The following RPF1 variants were observed in gnomAD, a reference collection of about 807,000 sequenced individuals.
RPF1 encodes the protein ribosome production factor 1.
Under a neutral mutation model 41.9 loss-of-function variants are expected in RPF1, and 34 were observed. That is an observed-to-expected ratio of 0.81 (90% CI 0.62 to 1.08). RPF1 has a LOEUF of 1.08. Among genes scored for constraint, RPF1 ranks in the 50% least tolerant of loss-of-function variants. The pLI, the probability that RPF1 is intolerant of heterozygous loss-of-function variation, is 0.00. For synonymous variants in RPF1, 140 were observed against 148.9 expected, an observed-to-expected ratio of 0.94 and a Z score of 0.43; for missense variants, 425 against 435.2, an observed-to-expected ratio of 0.98 and a Z score of 0.21.
rs1296408401 is a variant in RPF1, at chr1:84,486,606, AAAAG to A, written c.367-3024_367-3021del. Among the ~76,000 whole-genome samples, 6 of 151,582 alleles carry A rather than the reference AAAAG, an allele frequency of 4.0e-5. No homozygotes were observed. The East Asian group carries it at 5.8e-4, about 15-fold the overall frequency. On this transcript the variant is annotated intron_variant, in intron 3 of 8. Coordinates refer to ENST00000370654, the MANE Select transcript of RPF1 (RefSeq NM_025065.7). ...CCGTCTCAAAAAAAAAAAAAAAAAA[AAAAG>A]AATAGGAAAATGATGTGATCAGACT... is the stretch of plus-strand genomic sequence containing the variant.
chr1:84,484,080 G>A (rs964137573), intron 3 of RPF1, among the ~76,000 whole-genome samples: 4 of 152,178 alleles, frequency 2.6e-5, no homozygotes, highest in African/African-American at 9.7e-5. Context: ...GCCAGTGATA[G>A]CTTACTAAAG....
chr1:84,490,624 A>C, intron 5 of RPF1, 152 bp downstream of exon 5: 1 of 559,774 alleles, frequency 1.8e-6, no homozygotes, highest in Non-Finnish European at 3.0e-6. Context: ...CTATAAACTG[A>C]TTTTTCCTTT....
intron 8 of RPF1, 36 bp from the exon 9 acceptor site, chr1:84,497,390 TTTG>T: frequency 6.4e-7 from 1 of 1,568,146 alleles, no homozygotes; most frequent in Non-Finnish European, 8.7e-7. Flanking sequence ...ATATTTTTGT[TTTG>T]TTTTCTTCCT....
At chr1:84,484,136 T>A (rs1681699721) in intron 3 of RPF1, among the ~76,000 whole-genome samples, 1 of 152,216 alleles carries the variant, frequency 6.6e-6, no homozygotes, top group Admixed American at 6.5e-5. Context: ...GTAGAGAGGG[T>A]TTGCAATTTT....
At chr1:84,488,045 G>A (rs1285893057) in intron 3 of RPF1, among the ~76,000 whole-genome samples, 1 of 151,956 alleles carries the variant, frequency 6.6e-6, no homozygotes, top group Non-Finnish European at 1.5e-5. Context: ...GTTTGTCACT[G>A]CATCATTAGT....
Position 84,483,099 on chromosome 1 carries a change from G to A in RPF1, c.366+104G>A, listed in dbSNP as rs1681680966. 1.1e-5 allele frequency: 7 copies of A among 653,482 alleles called. 1 individual carries two copies. In the South Asian group the frequency reaches 1.5e-4, roughly 14 times the overall value. 40.5% of individuals were successfully genotyped at this position (653,482 alleles called of 1,614,324 possible). On this transcript the variant is annotated intron_variant, in intron 3 of 8. Transcript: ENST00000370654. ...GTGCTGGCTGGCCAAGTTGCATAATGGACTGATTCAGCTAAAATGTTGGCA... is the reference window on the plus strand; with the variant it reads ...GTGCTGGCTGGCCAAGTTGCATAATAGACTGATTCAGCTAAAATGTTGGCA...
At chr1:84,479,870 G>C (rs1331385372) in intron 1 of RPF1, among the ~76,000 whole-genome samples, 1 of 152,204 alleles carries the variant, frequency 6.6e-6, no homozygotes, top group Non-Finnish European at 1.5e-5. Flanking sequence ...TTAATTTGCA[G>C]AATCTGAAAT....
intron 5 of RPF1, among the ~76,000 whole-genome samples, chr1:84,491,437 T>C (rs1332186345): frequency 1.3e-5 from 2 of 152,184 alleles, no homozygotes; most frequent in Non-Finnish European, 2.9e-5. Flanking sequence ...TTTTAAAAAA[T>C]CTAACTTTTA....
At chr1:84,487,908 G>T (rs993379059) in intron 3 of RPF1, among the ~76,000 whole-genome samples, 2 of 151,834 alleles carry the variant, frequency 1.3e-5, no homozygotes, top group Admixed American at 1.3e-4. Flanking sequence ...ATCCAGTACT[G>T]GTTATATATA....
chr1:84,482,590 T>C (rs1214367616), intron 2 of RPF1, among the ~76,000 whole-genome samples: 1 of 152,128 alleles, frequency 6.6e-6, no homozygotes, highest in African/African-American at 2.4e-5. Flanking sequence ...TTTCTTTTAT[T>C]TTTCTCCTGT....
At chr1:84,492,366 G>A (rs1053642674) in intron 5 of RPF1, among the ~76,000 whole-genome samples, 2 of 152,132 alleles carry the variant, frequency 1.3e-5, no homozygotes, top group Admixed American at 6.5e-5. Context: ...AAGTTAAAGG[G>A]ATATACTTTT....
intron 3 of RPF1, chr1:84,483,205 G>C (rs1445059339): frequency 3.8e-6 from 2 of 525,072 alleles, no homozygotes; most frequent in East Asian, 3.1e-5. Context: ...AAAAATTCTA[G>C]GTAAACTTTT....
chr1:84,492,677 C>T (rs1478025635), intron 5 of RPF1, among the ~76,000 whole-genome samples: 1 of 152,200 alleles, frequency 6.6e-6, no homozygotes, highest in African/African-American at 2.4e-5. Context: ...TTTATCTGTA[C>T]AGACCTACAT....
At chr1:84,482,734 TAA>T (rs397963036) in intron 2 of RPF1, among the ~76,000 whole-genome samples, 179 bp from the exon 3 acceptor site, 1 of 144,732 alleles carries the variant, frequency 6.9e-6, no homozygotes, top group Non-Finnish European at 1.5e-5. Flanking sequence ...CCAGATTGTT[TAA>T]AAAAAAAAAA....
In RPF1 at chr1:84,495,397, C is replaced by A. The variant is rs1442144653; in HGVS notation, c.641C>A (p.Pro214Gln). Residue 214 changes from proline (P) to glutamine (Q), a missense_variant, in exon 6 of 9, where the codon CCA (proline) becomes CAA (glutamine). By Grantham distance (76) the Pro-to-Gln change is moderately conservative. Transcript: ENST00000370654. ...TPNGLILSHL[P>Q]NGPTAHFKMS... ...GATGGACTTATTTTGAGTCACTTGC[C>A]AAATGGCCCAACTGCTCATTTTAAA... is the stretch of plus-strand genomic sequence containing the variant. 1 of 1,522,376 alleles carries A rather than the reference C, an allele frequency of 6.6e-7. No individual in the cohort carries two copies. Among genetic ancestry groups the A allele is most frequent in the Non-Finnish European group, 9.0e-7 (1 of 1,109,552 alleles). The allele number at this position is 1,522,376 out of a possible 1,614,324, so 94.3% of individuals were successfully genotyped here. A position where few individuals can be genotyped will look rare whatever the true frequency, so the allele number is the denominator to read the frequency against.
intron 1 of RPF1, 116 bp downstream of exon 1, chr1:84,479,625 G>C: frequency 3.1e-6 from 3 of 958,078 alleles, no homozygotes; most frequent in South Asian, 3.4e-5. Context: ...CTGTGGCTCC[G>C]TGGGAAGGGT....
intron 6 of RPF1, among the ~76,000 whole-genome samples, 155 bp from the exon 7 acceptor site, chr1:84,495,727 T>C (rs1681923652): frequency 6.6e-6 from 1 of 152,252 alleles, no homozygotes; most frequent in Non-Finnish European, 1.5e-5. Flanking sequence ...AGATACATCT[T>C]ATTTCATGGG....
intron 1 of RPF1, 130 bp downstream of exon 1, chr1:84,479,639 G>A: frequency 2.4e-6 from 2 of 842,368 alleles, no homozygotes; most frequent in South Asian, 3.6e-5. Flanking sequence ...GAAGGGTGGC[G>A]TCGCGGCCCA....
At chr1:84,489,529 AG>A (rs776655651) in intron 3 of RPF1, 103 bp from the exon 4 acceptor site, 20 of 677,962 alleles carry the variant, frequency 3.0e-5, no homozygotes, top group Non-Finnish European at 5.4e-5. Context: ...AGCCCCTATC[AG>A]CTAGATACTC....
Sources: gnomAD v4.1 joint callset for allele counts (sites outside exome capture counted in the v4.1 genomes callset) on GRCh38, gnomAD v4.1.1 for gene constraint, MANE v1.5 for transcripts, NCBI Gene and HGNC (gene_info 2026-07-23, HGNC 2026-07-21) for gene names.